C12orf42: variants seen among roughly 807,000 people sequenced by gnomAD.
The protein encoded by C12orf42 is uncharacterized protein C12orf42.
Under a neutral mutation model 21.6 loss-of-function variants are expected in C12orf42, and 25 were observed. That is an observed-to-expected ratio of 1.16 (90% CI 0.84 to 1.62). The LOEUF is 1.62. C12orf42 is among the 40% of genes most tolerant of loss of function. C12orf42 has a pLI of 0.00. For missense variants in C12orf42, 483 were observed against 459.3 expected (o/e 1.05, Z -0.47); for synonymous variants, 174 against 175.0 (o/e 0.99, Z 0.05).
At chr12:103,155,330 A>T in the C12orf42 span, 3 of 152,288 alleles carry the variant, frequency 2.0e-5, no homozygotes, top group African/African-American at 7.2e-5. Context: ...GCTGTTGGGA[A>T]TGTCACATTT....
the C12orf42 span, among the ~76,000 whole-genome samples, chr12:103,555,329 A>T: frequency 6.6e-6 from 1 of 152,166 alleles, no homozygotes; most frequent in Admixed American, 6.5e-5. Context: ...GAGCTTGTGC[A>T]GGGGAACTCC....
chr12:103,110,320 A>T, the C12orf42 span, among the ~76,000 whole-genome samples: 1 of 152,224 alleles, frequency 6.6e-6, no homozygotes, highest in Non-Finnish European at 1.5e-5. Context: ...GAAGGCATTT[A>T]TATAAATTCT....
chr12:103,048,704 G>A, the C12orf42 span, among the ~76,000 whole-genome samples: 1 of 152,110 alleles, frequency 6.6e-6, no homozygotes, highest in East Asian at 1.9e-4. Context: ...CTTTAACCCA[G>A]TATGAGCAGA....
At chr12:103,125,798 A>C in the C12orf42 span, among the ~76,000 whole-genome samples, 1 of 152,152 alleles carries the variant, frequency 6.6e-6, no homozygotes, top group Non-Finnish European at 1.5e-5. Flanking sequence ...AGGTGAGGAG[A>C]CTAGCACCCT....
chr12:103,339,923 T>G (rs1413434139), intron 4 of C12orf42, among the ~76,000 whole-genome samples: 1 of 152,218 alleles, frequency 6.6e-6, no homozygotes, highest in Non-Finnish European at 1.5e-5. Flanking sequence ...GCAAAGTTCC[T>G]GAGAAAGAAT....
intron 2 of C12orf42, among the ~76,000 whole-genome samples, chr12:103,414,136 T>A (rs2049092170): frequency 6.6e-6 from 1 of 152,188 alleles, no homozygotes; most frequent in African/African-American, 2.4e-5. Flanking sequence ...ACCACATCCA[T>A]ACCAATATCT....
the C12orf42 span, among the ~76,000 whole-genome samples, chr12:103,139,982 GT>G: frequency 2.6e-5 from 4 of 152,078 alleles, no homozygotes; most frequent in African/African-American, 9.7e-5. Flanking sequence ...TGCTCTGTAG[GT>G]CTCTCCTTAT....
At chr12:103,492,101 C>A (rs142797173) in intron 1 of C12orf42, among the ~76,000 whole-genome samples, 1 of 152,092 alleles carries the variant, frequency 6.6e-6, no homozygotes, top group African/African-American at 2.4e-5. Context: ...GGATTACAGG[C>A]GTGCGCAACT....
the C12orf42 span, among the ~76,000 whole-genome samples, chr12:103,116,274 A>G: frequency 1.3e-5 from 2 of 151,712 alleles, no homozygotes; most frequent in Non-Finnish European, 2.9e-5. Flanking sequence ...TGAGGCGGGA[A>G]AATCGCTTGA....
At chr12:103,497,057 T>C (rs1052607780), upstream of C12orf42, among the ~76,000 whole-genome samples, 3 of 152,210 alleles carry the variant, frequency 2.0e-5, no homozygotes, top group African/African-American at 7.2e-5. Context: ...AATTTCTAGA[T>C]AGAAACACCA....
At chr12:103,426,614 C>T (rs960932006) in intron 2 of C12orf42, among the ~76,000 whole-genome samples, 2 of 152,086 alleles carry the variant, frequency 1.3e-5, no homozygotes, top group African/African-American at 4.8e-5. Flanking sequence ...ACAGAGAACA[C>T]CACAAAGATA....
chr12:103,395,377 C>T (rs778212663), intron 3 of C12orf42, among the ~76,000 whole-genome samples: 2 of 151,138 alleles, frequency 1.3e-5, no homozygotes, highest in Non-Finnish European at 2.9e-5. Context: ...ACTCTGTCGC[C>T]CAGGCTGGAG....
At chr12:103,262,593 T>C (rs576696984) in intron 10 of C12orf42, 1 of 152,274 alleles carries the variant, frequency 6.6e-6, no homozygotes, top group Admixed American at 6.5e-5. Context: ...CATATATGCA[T>C]GTATAATAAG....
the C12orf42 span, among the ~76,000 whole-genome samples, chr12:103,165,683 A>G: frequency 6.6e-6 from 1 of 152,226 alleles, no homozygotes; most frequent in African/African-American, 2.4e-5. Context: ...AATAGCAGTC[A>G]CAAAGCCAGG....
chr12:103,534,695 G>A, the C12orf42 span, among the ~76,000 whole-genome samples: 3 of 152,122 alleles, frequency 2.0e-5, no homozygotes, highest in Non-Finnish European at 1.5e-5. Context: ...GGGGTGAGAC[G>A]GTTCTCTATG....
chr12:103,397,220 T>A (rs1486349278), intron 3 of C12orf42, among the ~76,000 whole-genome samples: 1 of 152,236 alleles, frequency 6.6e-6, no homozygotes, highest in Non-Finnish European at 1.5e-5. Flanking sequence ...CAACAGACCA[T>A]TGCATAAATT....
At chr12:103,361,032 G>T (rs1669297009) in intron 4 of C12orf42, among the ~76,000 whole-genome samples, 2 of 152,110 alleles carry the variant, frequency 1.3e-5, no homozygotes, top group African/African-American at 2.4e-5. Flanking sequence ...GGCAGGACAA[G>T]ATTGCAGCTC....
At chr12:103,094,036 C>G in the C12orf42 span, among the ~76,000 whole-genome samples, 2 of 152,156 alleles carry the variant, frequency 1.3e-5, no homozygotes, top group Non-Finnish European at 2.9e-5. Context: ...TGAGAGGGAT[C>G]TGCTCAAGAT....
At chr12:103,252,556 T>A (rs2034362350) in intron 10 of C12orf42, among the ~76,000 whole-genome samples, 1 of 152,334 alleles carries the variant, frequency 6.6e-6, no homozygotes, top group African/African-American at 2.4e-5. Flanking sequence ...GATGATGAGC[T>A]GTTTTTCATA....
Sources: allele counts gnomAD v4.1 joint callset (sites outside exome capture counted in the v4.1 genomes callset), GRCh38; gene constraint gnomAD v4.1.1; transcripts MANE v1.5; gene names NCBI Gene and HGNC (gene_info 2026-07-23, HGNC 2026-07-21).